Variants in CADM2 observed in about 807,000 individuals in gnomAD.
The protein encoded by CADM2 is cell adhesion molecule 2.
In CADM2, 12 loss-of-function variants were observed where a neutral mutation model predicts 49.8. The ratio of observed to expected loss-of-function variants is 0.24; its 90% CI spans 0.15 to 0.39. The LOEUF (loss-of-function observed/expected upper bound fraction) is 0.39. Ranked by LOEUF, CADM2 falls within the 10% of genes least tolerant of loss-of-function variation. The pLI, the probability that CADM2 is intolerant of heterozygous loss-of-function variation, is 1.00. For missense variants in CADM2, 378 were observed against 492.3 expected (o/e 0.77, Z 2.20); for synonymous variants, 214 against 175.4 (o/e 1.22, Z -1.74).
chr3:85,699,526 G>T (rs575681131), intron 1 of CADM2, among the ~76,000 whole-genome samples: 1 of 152,324 alleles, frequency 6.6e-6, no homozygotes, highest in East Asian at 1.9e-4. Flanking sequence ...TTACCCACAG[G>T]CTTTTCACCA....
At chr3:85,151,692 G>C (rs566106587) in intron 1 of CADM2, among the ~76,000 whole-genome samples, 21 of 152,124 alleles carry the variant, frequency 1.4e-4, no homozygotes, top group Non-Finnish European at 2.5e-4. Flanking sequence ...CATCCAGTGG[G>C]TGGTTTGTAA....
chr3:85,768,670 T>C (rs2069807462), intron 2 of CADM2, among the ~76,000 whole-genome samples: 1 of 146,750 alleles, frequency 6.8e-6, no homozygotes, highest in South Asian at 2.1e-4. Context: ...TGATGGAATC[T>C]GAATATATAT....
intron 5 of CADM2, among the ~76,000 whole-genome samples, chr3:85,887,644 A>C (rs972572013): frequency 1.6e-4 from 24 of 152,138 alleles, no homozygotes. Flanking sequence ...ATTGGATTAC[A>C]TTTTGAGAAA....
At chr3:85,099,808 G>A (rs987290990) in intron 1 of CADM2, among the ~76,000 whole-genome samples, 2 of 151,958 alleles carry the variant, frequency 1.3e-5, no homozygotes, top group Non-Finnish European at 2.9e-5. Flanking sequence ...TTGCATGCAT[G>A]GCTATACACT....
chr3:85,874,468 T>G (rs1316209385), intron 3 of CADM2, among the ~76,000 whole-genome samples: 2 of 152,168 alleles, frequency 1.3e-5, no homozygotes, highest in Non-Finnish European at 2.9e-5. Context: ...TCTTGTCTCT[T>G]TGATATAAAT....
chr3:85,989,669 T>C (rs1728519254), intron 8 of CADM2, among the ~76,000 whole-genome samples: 1 of 152,138 alleles, frequency 6.6e-6, no homozygotes, highest in Non-Finnish European at 1.5e-5. Context: ...TGTCAGATTA[T>C]ATTTTAGTTT....
chr3:86,008,290 G>C (rs1033337527), intron 8 of CADM2, among the ~76,000 whole-genome samples: 4 of 152,106 alleles, frequency 2.6e-5, no homozygotes, highest in African/African-American at 9.7e-5. Flanking sequence ...ACTGGCTGCT[G>C]TCTTTAGCAG....
chr3:85,686,967 G>C (rs1483864066), intron 1 of CADM2, among the ~76,000 whole-genome samples: 2 of 152,080 alleles, frequency 1.3e-5, no homozygotes, highest in Non-Finnish European at 2.9e-5. Flanking sequence ...ACTGTGCTCT[G>C]ACCACCTTGG....
At chr3:85,998,329 G>A (rs952732482) in intron 8 of CADM2, among the ~76,000 whole-genome samples, 5 of 151,802 alleles carry the variant, frequency 3.3e-5, no homozygotes, top group Non-Finnish European at 5.9e-5. Flanking sequence ...GACATTTCTC[G>A]TAGTTACAAT....
chr3:85,627,387 C>T (rs543845491), intron 1 of CADM2, among the ~76,000 whole-genome samples: 1 of 151,720 alleles, frequency 6.6e-6, no homozygotes, highest in African/African-American at 2.4e-5. Flanking sequence ...ATGTACACAT[C>T]CATGTATACA....
At position 86,066,828 on chromosome 3, in the gene CADM2, G is replaced by C. The variant is rs1739395007; in HGVS notation, c.*45G>C. On this transcript the variant is annotated 3_prime_UTR_variant, in exon 10 of 10. Coordinates refer to ENST00000383699, the MANE Select transcript of CADM2 (RefSeq NM_001167675.2). ...AGTTTTACTACCAGGCTGAATGCTGGAGAAAACTGGCTATCATCTTTCAGA... is the reference window on the plus strand; with the variant it reads ...AGTTTTACTACCAGGCTGAATGCTGCAGAAAACTGGCTATCATCTTTCAGA... 1.5e-6 allele frequency: 2 copies of C among 1,298,928 alleles called. No homozygotes were observed. The highest frequency in any genetic ancestry group is 2.2e-6 in the Non-Finnish European group (2 of 894,996). 80.5% of individuals were successfully genotyped at this position (1,298,928 alleles called of 1,614,324 possible). A position where few individuals can be genotyped will look rare whatever the true frequency, so the allele number is the denominator to read the frequency against.
chr3:85,897,746 C>T (rs962122112), intron 5 of CADM2, among the ~76,000 whole-genome samples: 1 of 151,968 alleles, frequency 6.6e-6, no homozygotes, highest in Non-Finnish European at 1.5e-5. Flanking sequence ...GTCCTAAGGA[C>T]TCATTTAACA....
chr3:85,125,979 A>T (rs752359220), intron 1 of CADM2, among the ~76,000 whole-genome samples: 22 of 152,112 alleles, frequency 1.4e-4, no homozygotes, highest in Admixed American at 9.2e-4. Context: ...AAACATCTGT[A>T]TTCTCTTATT....
At chr3:85,396,643 G>A (rs2034807932) in intron 1 of CADM2, among the ~76,000 whole-genome samples, 1 of 151,858 alleles carries the variant, frequency 6.6e-6, no homozygotes, top group African/African-American at 2.4e-5. Context: ...GATATTTAAT[G>A]TTGAAAATAA....
At chr3:85,675,944 A>G (rs1015337476) in intron 1 of CADM2, among the ~76,000 whole-genome samples, 2 of 152,238 alleles carry the variant, frequency 1.3e-5, no homozygotes, top group Non-Finnish European at 2.9e-5. Context: ...GCATATTTTA[A>G]CTACTACCAG....
At chr3:85,498,304 GA>G (rs977254126) in intron 1 of CADM2, among the ~76,000 whole-genome samples, 32 of 151,888 alleles carry the variant, frequency 2.1e-4, no homozygotes, top group African/African-American at 7.2e-4. Flanking sequence ...CCCTTTCACA[GA>G]AAATAACAAC....
intron 1 of CADM2, among the ~76,000 whole-genome samples, chr3:85,087,965 T>C (rs188964264): frequency 2.6e-5 from 4 of 152,276 alleles, no homozygotes; most frequent in Admixed American, 2.0e-4. Context: ...GGAAACAGTG[T>C]CTCATTCCTG....
Position 85,758,196 on chromosome 3 carries a change from A to G in CADM2, c.88+31648A>G, listed in dbSNP as rs150398029. Among the ~76,000 whole-genome samples, 434 of 152,248 alleles carry G rather than the reference A, an allele frequency of 2.9e-3. 3 individuals are homozygous for G. Among genetic ancestry groups the G allele is most frequent in the African/African-American group, 0.01 (419 of 41,574 alleles). ...TGTCACATAATTTGTTGGTAGGAGC[A>G]CAACAGAGCAGCTTGTAAGAACAGA... On this transcript the variant is annotated intron_variant, in intron 2 of 9. Transcript: ENST00000383699.
At chr3:85,581,209 A>G (rs910790047) in intron 1 of CADM2, among the ~76,000 whole-genome samples, 3 of 152,120 alleles carry the variant, frequency 2.0e-5, no homozygotes, top group Admixed American at 1.3e-4. Context: ...AAAACTTTTC[A>G]ATGTGCTCTT....
Sources: gnomAD v4.1 joint callset for allele counts (sites outside exome capture counted in the v4.1 genomes callset) on GRCh38, gnomAD v4.1.1 for gene constraint, MANE v1.5 for transcripts, NCBI Gene and HGNC (gene_info 2026-07-23, HGNC 2026-07-21) for gene names.